TMEM74: variants seen among roughly 807,000 people sequenced by gnomAD.
TMEM74 encodes transmembrane protein 74.
TMEM74 carries 13 observed loss-of-function variants against 18.1 expected under a neutral mutation model. That is an observed-to-expected ratio of 0.72 (90% confidence interval 0.47 to 1.14). The LOEUF is 1.14. Ranked by LOEUF, TMEM74 falls within the 50% of genes most tolerant of loss-of-function variation. TMEM74 has a pLI of 0.00. For missense variants in TMEM74, 372 were observed against 375.9 expected (o/e 0.99, Z 0.09); for synonymous variants, 159 against 146.6 (o/e 1.08, Z -0.61).
At chr8:108,680,974 T>C (rs1319586715) in intron 1 of TMEM74, among the ~76,000 whole-genome samples, 2 of 152,134 alleles carry the variant, frequency 1.3e-5, no homozygotes, top group African/African-American at 4.8e-5. Flanking sequence ...GTGAAGGACC[T>C]CTTCAAGGAG....
chr8:108,763,440 A>G (rs1238362467), intron 1 of TMEM74, among the ~76,000 whole-genome samples: 1 of 152,204 alleles, frequency 6.6e-6, no homozygotes, highest in African/African-American at 2.4e-5. Flanking sequence ...TATGTTTAAA[A>G]TACAATTCAA....
downstream of TMEM74, among the ~76,000 whole-genome samples, chr8:108,777,240 A>G (rs1814243887): frequency 6.6e-6 from 1 of 152,180 alleles, no homozygotes; most frequent in Admixed American, 6.5e-5. Context: ...TGTTGTGGAG[A>G]TTATGCAAGA....
rs1445141330 is a variant in TMEM74, at chr8:108,779,548, T to C, written c.*4633A>G. Among the ~76,000 whole-genome samples, 1 of 152,146 alleles carries C rather than the reference T, an allele frequency of 6.6e-6. No individual in the cohort carries two copies. The highest frequency in any genetic ancestry group is 1.9e-4 in the East Asian group (1 of 5,198). On this transcript the variant is annotated 3_prime_UTR_variant, in exon 2 of 2. Transcript: ENST00000297459. ...AGGTTAAAAAACAAATTAATAAATA[T>C]TTGTGGGAGGCTGAACAACCAAAAC...
chr8:108,608,017 T>A (rs1426830209), intron 3 of TMEM74, among the ~76,000 whole-genome samples: 1 of 151,996 alleles, frequency 6.6e-6, no homozygotes, highest in African/African-American at 2.4e-5. Context: ...TGTAGAGAAC[T>A]AAACGGCCAG....
At chr8:108,774,863 T>A (rs1274488182), downstream of TMEM74, among the ~76,000 whole-genome samples, 1 of 151,110 alleles carries the variant, frequency 6.6e-6, no homozygotes, top group Admixed American at 6.6e-5. Flanking sequence ...CCTCCCAAAG[T>A]GTTGTGATTA....
chr8:108,669,104 C>A lies in TMEM74; in HGVS notation n.120-13667G>T, dbSNP rs1586254109. On this transcript the variant is annotated intron_variant and non_coding_transcript_variant, in intron 1 of 3. Coordinates refer to the TMEM74 transcript ENST00000518838. ...AACCATTCCCCCTTTGAAGTCTTGC[C>A]ACTTTCTTAGGTTGCTGTTAGAGCA... 2.0e-5 allele frequency among the ~76,000 whole-genome samples: 3 copies of A among 152,136 alleles called. No homozygotes were observed. In the South Asian group the frequency reaches 6.2e-4, roughly 32 times the overall value.
chr8:108,617,443 GATTCTGGGGTGTAGGA>G (rs1195782561), intron 2 of TMEM74, among the ~76,000 whole-genome samples: 2 of 152,034 alleles, frequency 1.3e-5, no homozygotes, highest in African/African-American at 4.8e-5. Flanking sequence ...AGATGCTTTT[GATTCTGGGGTGTAGGA>G]AGCCCCACTA....
chr8:108,755,966 T>G (rs1036673799), intron 1 of TMEM74, among the ~76,000 whole-genome samples: 1 of 152,058 alleles, frequency 6.6e-6, no homozygotes, highest in African/African-American at 2.4e-5. Context: ...CTTTTTCTTC[T>G]TATTTTACGT....
In TMEM74 at chr8:108,724,545, TAA is replaced by T. The variant is rs1424667996; in HGVS notation, n.119+62929_119+62930del. The stretch of plus-strand genomic sequence containing the variant: ...ACATAAAGAACAACATATACAAAAT[TAA>T]GAGATGATTAAATTTTTTCCTTCTT... On this transcript the variant is annotated intron_variant and non_coding_transcript_variant, in intron 1 of 3. Coordinates refer to the TMEM74 transcript ENST00000518838. Among the ~76,000 whole-genome samples, 5 of 152,156 alleles carry T rather than the reference TAA, an allele frequency of 3.3e-5. No homozygotes were observed. The East Asian group carries it at 7.7e-4, about 23-fold the overall frequency.
intron 1 of TMEM74, among the ~76,000 whole-genome samples, chr8:108,737,803 C>T (rs1813763242): frequency 6.6e-6 from 1 of 152,134 alleles, no homozygotes; most frequent in South Asian, 2.1e-4. Flanking sequence ...GTCTACCACT[C>T]ACATCCACTT....
chr8:108,680,740 A>G lies in TMEM74; in HGVS notation n.120-25303T>C, dbSNP rs564410776. On this transcript the variant is annotated intron_variant and non_coding_transcript_variant, in intron 1 of 3. Transcript: ENST00000518838. ...GAAGTCAAATTGTCCCTGTTTGCAG[A>G]TGTCATGACTGTATATCTAGAAAAC... 2.6e-5 allele frequency among the ~76,000 whole-genome samples: 4 copies of G among 152,358 alleles called. No individual in the cohort carries two copies. The East Asian group carries it at 7.7e-4, about 29-fold the overall frequency.
intron 1 of TMEM74, among the ~76,000 whole-genome samples, chr8:108,766,389 A>C (rs1761214768): frequency 6.6e-6 from 1 of 152,134 alleles, no homozygotes; most frequent in African/African-American, 2.4e-5. Flanking sequence ...TGAAGTTTCC[A>C]AGCCAAAATT....
intron 2 of TMEM74, among the ~76,000 whole-genome samples, chr8:108,634,476 C>T (rs149012062): frequency 2.6e-5 from 4 of 152,120 alleles, no homozygotes; most frequent in African/African-American, 9.6e-5. Context: ...GGAAAGACAG[C>T]TGTCCTGTGG....
intron 1 of TMEM74, among the ~76,000 whole-genome samples, chr8:108,673,832 G>A (rs1360956778): frequency 6.6e-6 from 1 of 152,206 alleles, no homozygotes; most frequent in African/African-American, 2.4e-5. Context: ...CAGTTCTGCT[G>A]TGAGGAATAG....
chr8:108,669,437 T>C (rs988261544), intron 1 of TMEM74, among the ~76,000 whole-genome samples: 11 of 152,134 alleles, frequency 7.2e-5, no homozygotes, highest in Admixed American at 3.9e-4. Flanking sequence ...CCTTCTATTC[T>C]GGGCTGAAAT....
At chr8:108,737,787 A>G (rs541415649) in intron 1 of TMEM74, among the ~76,000 whole-genome samples, 2 of 152,292 alleles carry the variant, frequency 1.3e-5, no homozygotes, top group Non-Finnish European at 1.5e-5. Context: ...AAAGCAATAT[A>G]TGTGAGTCTA....
At chr8:108,761,099 C>A (rs1368333313) in intron 1 of TMEM74, among the ~76,000 whole-genome samples, 1 of 151,974 alleles carries the variant, frequency 6.6e-6, no homozygotes, top group Non-Finnish European at 1.5e-5. Context: ...TCTATTCGTT[C>A]ATCAATTCGT....
chr8:108,675,045 G>A (rs574145858), intron 1 of TMEM74, among the ~76,000 whole-genome samples: 4 of 152,150 alleles, frequency 2.6e-5, no homozygotes, highest in Admixed American at 1.3e-4. Flanking sequence ...CAATGAATAT[G>A]GAAGTTGGTG....
At chr8:108,736,533 G>A (rs1378048838) in intron 1 of TMEM74, among the ~76,000 whole-genome samples, 1 of 151,878 alleles carries the variant, frequency 6.6e-6, no homozygotes, top group Non-Finnish European at 1.5e-5. Context: ...TCGATTCCAG[G>A]GAAATGCACA....
Sources: allele counts gnomAD v4.1 joint callset (sites outside exome capture counted in the v4.1 genomes callset), GRCh38; gene constraint gnomAD v4.1.1; transcripts MANE v1.5; gene names NCBI Gene and HGNC (gene_info 2026-07-23, HGNC 2026-07-21).